TRAPPC9: variants seen among roughly 807,000 people sequenced by gnomAD.
The protein encoded by TRAPPC9 is IKK2 binding protein.
In TRAPPC9, 83 loss-of-function variants were observed where a neutral mutation model predicts 124.0. The observed-to-expected ratio is 0.67, with a 90% CI of 0.56 to 0.80. The LOEUF is 0.80. Among genes scored for constraint, TRAPPC9 ranks in the 30% least tolerant of loss-of-function variants. The probability of loss-of-function intolerance (pLI) is 0.00; values close to 1 mark genes in which losing one functional copy is unlikely to be tolerated. For synonymous variants in TRAPPC9, 638 were observed against 617.5 expected, an observed-to-expected ratio of 1.03 and a Z score of -0.49; for missense variants, 1,302 against 1,508.3, an observed-to-expected ratio of 0.86 and a Z score of 2.27.
intron 21 of TRAPPC9, among the ~76,000 whole-genome samples, chr8:139,862,053 A>G (rs556645627): frequency 6.6e-6 from 1 of 152,334 alleles, no homozygotes; most frequent in East Asian, 1.9e-4. Context: ...GGCAGATACA[A>G]TGTGTACATT....
intron 21 of TRAPPC9, among the ~76,000 whole-genome samples, chr8:139,846,129 C>T (rs1022451148): frequency 1.3e-5 from 2 of 152,250 alleles, no homozygotes; most frequent in African/African-American, 4.8e-5. Context: ...AACACCGCTA[C>T]AGGCTGCAGG....
intron 13 of TRAPPC9, among the ~76,000 whole-genome samples, 183 bp from the exon 14 acceptor site, chr8:140,284,204 C>T (rs1038289924): frequency 4.6e-5 from 7 of 152,178 alleles, no homozygotes; most frequent in Admixed American, 2.6e-4. Flanking sequence ...TGTCCTCGTA[C>T]GTGATGGGGA....
chr8:140,070,176 C>T (rs1043301131), intron 17 of TRAPPC9, among the ~76,000 whole-genome samples: 4 of 152,200 alleles, frequency 2.6e-5, no homozygotes, highest in Admixed American at 2.6e-4. Flanking sequence ...ACGAGGGGCA[C>T]TGAAGTTGTT....
intron 19 of TRAPPC9, among the ~76,000 whole-genome samples, chr8:139,976,612 C>T (rs1460152754): frequency 6.6e-6 from 1 of 152,220 alleles, no homozygotes; most frequent in Non-Finnish European, 1.5e-5. Context: ...TCAGGTGCCT[C>T]ACCACAAGGG....
At chr8:140,235,281 A>T (rs1318074559) in intron 16 of TRAPPC9, among the ~76,000 whole-genome samples, 1 of 152,222 alleles carries the variant, frequency 6.6e-6, no homozygotes, top group Non-Finnish European at 1.5e-5. Flanking sequence ...CTGAAAATTT[A>T]TAATTTTTAG....
At chr8:140,089,331 C>T (rs1033975804) in intron 17 of TRAPPC9, among the ~76,000 whole-genome samples, 2 of 152,156 alleles carry the variant, frequency 1.3e-5, no homozygotes, top group African/African-American at 4.8e-5. Flanking sequence ...GCCCTTGAGG[C>T]CAGGTGTTTT....
At chr8:139,995,551 T>A (rs1260150685) in intron 18 of TRAPPC9, among the ~76,000 whole-genome samples, 2 of 152,118 alleles carry the variant, frequency 1.3e-5, no homozygotes, top group Non-Finnish European at 2.9e-5. Flanking sequence ...CAGTCCTCCA[T>A]GTAGACACAC....
intron 9 of TRAPPC9, among the ~76,000 whole-genome samples, chr8:140,356,713 G>A (rs1043659505): frequency 1.2e-4 from 18 of 151,550 alleles, no homozygotes; most frequent in Admixed American, 5.3e-4. Context: ...GGGTTCAAGC[G>A]ATTCTCCTGC....
At chr8:139,959,665 C>G (rs1005848114) in intron 19 of TRAPPC9, among the ~76,000 whole-genome samples, 1 of 152,170 alleles carries the variant, frequency 6.6e-6, no homozygotes, top group Non-Finnish European at 1.5e-5. Context: ...GAGAACCCAG[C>G]GACCAGGACC....
intron 17 of TRAPPC9, among the ~76,000 whole-genome samples, chr8:140,076,209 G>A (rs140730909): frequency 5.3e-5 from 8 of 152,318 alleles, no homozygotes; most frequent in African/African-American, 1.2e-4. Context: ...ATTTGCATGT[G>A]TGGAACACAG....
At chr8:140,159,140 C>T (rs998782545) in intron 17 of TRAPPC9, among the ~76,000 whole-genome samples, 4 of 152,318 alleles carry the variant, frequency 2.6e-5, no homozygotes, top group South Asian at 2.1e-4. Flanking sequence ...CTCCCCCGCC[C>T]GCCGCCGCCA....
chr8:139,920,984 C>A (rs2131335427), intron 19 of TRAPPC9, among the ~76,000 whole-genome samples: 1 of 152,350 alleles, frequency 6.6e-6, no homozygotes, highest in Non-Finnish European at 1.5e-5. Flanking sequence ...GTGGCTGCAT[C>A]CCACACCTGC....
chr8:140,290,258 A>C (rs982301273), intron 12 of TRAPPC9, among the ~76,000 whole-genome samples: 2 of 152,172 alleles, frequency 1.3e-5, no homozygotes, highest in Non-Finnish European at 2.9e-5. Context: ...ACCAGTCATA[A>C]AACTCTAAAA....
chr8:140,014,862 G>A lies in TRAPPC9; in HGVS notation c.2699+9075C>T, dbSNP rs368530940. On this transcript the variant is annotated intron_variant, in intron 18 of 22. Transcript: ENST00000438773. ...CGGGAGTGTGCATGGGATGCCCGAC[G>A]CAACACCCAGGGCATGCCCTGGAGT... Among the ~76,000 whole-genome samples the A allele has an allele frequency of 1.1e-3, 161 of 152,300 alleles. 1 individual carries two copies. Among genetic ancestry groups the A allele is most frequent in the African/African-American group, 3.3e-3 (136 of 41,568 alleles).
rs185197351 is a variant in TRAPPC9 at position 140,160,493 on chromosome 8, T to G, written c.2556+60966A>C. On this transcript the variant is annotated intron_variant, in intron 17 of 22. Transcript: ENST00000438773. Reference sequence around the variant, plus strand: ...ATAAATGATGAGTTCAAGTCCTTTGTAGGGACATGGATGAAGCTGGAAACC... The same window carrying G: ...ATAAATGATGAGTTCAAGTCCTTTGGAGGGACATGGATGAAGCTGGAAACC... 2.8e-4 allele frequency among the ~76,000 whole-genome samples: 42 copies of G among 152,208 alleles called. No individual in the cohort carries two copies. In the East Asian group the frequency reaches 6.8e-3, roughly 25 times the overall value.
At chr8:140,360,788 T>G (rs890401720) in intron 8 of TRAPPC9, among the ~76,000 whole-genome samples, 10 of 152,206 alleles carry the variant, frequency 6.6e-5, no homozygotes, top group Non-Finnish European at 1.0e-4. Flanking sequence ...GGCTGGAGTG[T>G]GGTGGTGCAA....
chr8:140,046,325 G>A (rs1841593645), intron 17 of TRAPPC9, among the ~76,000 whole-genome samples: 2 of 152,284 alleles, frequency 1.3e-5, no homozygotes, highest in Non-Finnish European at 2.9e-5. Context: ...TCTTGGCAAG[G>A]AAAGGCAAGG....
intron 17 of TRAPPC9, among the ~76,000 whole-genome samples, chr8:140,052,737 G>A (rs1842074160): frequency 6.6e-6 from 1 of 151,440 alleles, no homozygotes; most frequent in Admixed American, 6.6e-5. Context: ...AGCAAAGATC[G>A]CACCACTGCA....
At chr8:140,416,359 C>A (rs184107739) in intron 5 of TRAPPC9, among the ~76,000 whole-genome samples, 1 of 152,086 alleles carries the variant, frequency 6.6e-6, no homozygotes, top group East Asian at 1.9e-4. Context: ...CTAAATAGAC[C>A]CATAACAAGT....
Sources: gnomAD v4.1 joint callset for allele counts (sites outside exome capture counted in the v4.1 genomes callset) on GRCh38, gnomAD v4.1.1 for gene constraint, MANE v1.5 for transcripts, NCBI Gene and HGNC (gene_info 2026-07-23, HGNC 2026-07-21) for gene names.